PHLDB2: variants seen among roughly 807,000 people sequenced by gnomAD.
The protein encoded by PHLDB2 is pleckstrin homology-like domain family B member 2.
Under a neutral mutation model 123.6 loss-of-function variants are expected in PHLDB2, and 71 were observed. That is an observed-to-expected ratio of 0.57 (90% confidence interval 0.47 to 0.70). PHLDB2 has a LOEUF of 0.70. PHLDB2 is among the 30% of genes least tolerant of loss of function. The probability of loss-of-function intolerance (pLI) is 0.00; values close to 1 mark genes in which losing one functional copy is unlikely to be tolerated. For missense variants in PHLDB2, 1,446 were observed against 1,519.5 expected, an observed-to-expected ratio of 0.95 and a Z score of 0.80; for synonymous variants, 547 against 541.6, an observed-to-expected ratio of 1.01 and a Z score of -0.14.
At chr3:111,957,342 C>T (rs748092953) in intron 12 of PHLDB2, 1 of 152,640 alleles carries the variant, frequency 6.6e-6, no homozygotes, top group Non-Finnish European at 1.5e-5. Context: ...AGATTTAACA[C>T]TGTGCAGTGG....
chr3:111,942,226 T>C (rs698359), intron 8 of PHLDB2, among the ~76,000 whole-genome samples: 151,054 of 152,334 alleles, frequency 0.99, 74,907 homozygotes, highest in Middle Eastern at 1. Context: ...TTGTAAAAAT[T>C]GTGGTCTATA....
chr3:111,935,004 CA>C (rs1334021875), intron 6 of PHLDB2, among the ~76,000 whole-genome samples: 4 of 150,882 alleles, frequency 2.7e-5, no homozygotes, highest in Non-Finnish European at 4.4e-5. Context: ...AGTAAATAAT[CA>C]AAAGCACAAG....
At chr3:111,764,246 T>C (rs1039403157) in intron 1 of PHLDB2, among the ~76,000 whole-genome samples, 4 of 152,206 alleles carry the variant, frequency 2.6e-5, no homozygotes, top group Admixed American at 6.5e-5. Flanking sequence ...CCAGGAATGG[T>C]AGTTATTGTG....
chr3:111,836,485 T>C (rs1413801171), intron 1 of PHLDB2, among the ~76,000 whole-genome samples: 1 of 152,140 alleles, frequency 6.6e-6, no homozygotes, highest in Non-Finnish European at 1.5e-5. Flanking sequence ...CAGTTAGGGA[T>C]GTAGATCTGT....
upstream of PHLDB2, chr3:111,859,099 G>C (rs189260723): frequency 1.0e-2 from 9,040 of 905,982 alleles, 36 homozygotes; most frequent in South Asian, 0.013. Flanking sequence ...CCTGCTTTCT[G>C]ACGCAGCTGG....
At chr3:111,876,587 A>T (rs1276139530) in intron 1 of PHLDB2, among the ~76,000 whole-genome samples, 1 of 152,138 alleles carries the variant, frequency 6.6e-6, no homozygotes, top group Non-Finnish European at 1.5e-5. Flanking sequence ...TTTTTAAGTT[A>T]TACTTTAAGT....
At chr3:111,756,507 C>T (rs1195106928) in intron 1 of PHLDB2, among the ~76,000 whole-genome samples, 7 of 152,134 alleles carry the variant, frequency 4.6e-5, no homozygotes, top group Non-Finnish European at 8.8e-5. Flanking sequence ...CTTGGTAGAT[C>T]TTCCTCCATC....
upstream of PHLDB2, chr3:111,859,154 T>G (rs956378650): frequency 2.0e-6 from 2 of 983,930 alleles, no homozygotes; most frequent in Admixed American, 6.1e-5. Flanking sequence ...TGCGGTCACC[T>G]GGAGTTTCCC....
intron 1 of PHLDB2, among the ~76,000 whole-genome samples, chr3:111,786,353 G>A (rs1290988186): frequency 6.6e-6 from 1 of 152,160 alleles, no homozygotes; most frequent in Non-Finnish European, 1.5e-5. Flanking sequence ...ATCCATTGAT[G>A]CAGAACCCAC....
intron 6 of PHLDB2, among the ~76,000 whole-genome samples, chr3:111,934,323 GT>G (rs1343956205): frequency 6.6e-6 from 1 of 152,062 alleles, no homozygotes. Flanking sequence ...AAGTCCTAAA[GT>G]TCACTTTAGG....
intron 16 of PHLDB2, among the ~76,000 whole-genome samples, chr3:111,973,242 G>A (rs375407185): frequency 2.6e-5 from 4 of 151,574 alleles, no homozygotes; most frequent in African/African-American, 2.4e-5. Context: ...GAAAACGGGG[G>A]AAAAATCACG....
chr3:111,960,480 CA>C (rs1307741545), intron 12 of PHLDB2, among the ~76,000 whole-genome samples: 1 of 152,176 alleles, frequency 6.6e-6, no homozygotes, highest in Admixed American at 6.5e-5. Flanking sequence ...AAAACCACTC[CA>C]AATACTAATG....
intron 1 of PHLDB2, among the ~76,000 whole-genome samples, chr3:111,829,927 AACACACACACACAC>A (rs72357648): frequency 0.024 from 3,255 of 135,980 alleles, 45 homozygotes; most frequent in Middle Eastern, 0.038. Context: ...AACTATTCAA[AACACACACACACAC>A]ACACACACAC....
At position 111,859,421 on chromosome 3, in the gene PHLDB2, G is replaced by T. The variant is rs1406594058; in HGVS notation, c.-170G>T. ...CTCGAACTCCCTGGGTGCCCGCCGC[G>T]GTGGTTACAAAGGGGGTCAAGAGTG... On this transcript the variant is annotated 5_prime_UTR_variant, in exon 1 of 18. Coordinates refer to ENST00000431670, the MANE Select transcript of PHLDB2 (RefSeq NM_001134438.2). The T allele has an allele frequency of 1.0e-6, 1 of 985,512 alleles. No individual in the cohort carries two copies. Among genetic ancestry groups the T allele is most frequent in the East Asian group, 1.1e-4 (1 of 8,826 alleles). 61.0% of individuals were successfully genotyped at this position (985,512 alleles called of 1,614,324 possible).
intron 15 of PHLDB2, 136 bp downstream of exon 15, chr3:111,967,960 G>T: frequency 5.0e-6 from 1 of 199,264 alleles, no homozygotes; most frequent in East Asian, 8.0e-5. Flanking sequence ...TAAGAGAAGA[G>T]TGTGCATTCC....
At chr3:111,823,267 G>A (rs1349012649) in intron 1 of PHLDB2, among the ~76,000 whole-genome samples, 1 of 152,190 alleles carries the variant, frequency 6.6e-6, no homozygotes. Context: ...ATGTGGAATA[G>A]GTGTTCAATA....
At chr3:111,789,098 C>T (rs2108173355) in intron 1 of PHLDB2, among the ~76,000 whole-genome samples, 1 of 152,294 alleles carries the variant, frequency 6.6e-6, no homozygotes, top group East Asian at 1.9e-4. Context: ...TTACTTTTCC[C>T]AATCGTCACT....
At chr3:111,804,616 A>G in intron 1 of PHLDB2, among the ~76,000 whole-genome samples, 1 of 152,204 alleles carries the variant, frequency 6.6e-6, no homozygotes. Flanking sequence ...ACATCACTTG[A>G]CTAATAGGTT....
chr3:111,939,094 C>T (rs904629820), intron 6 of PHLDB2, among the ~76,000 whole-genome samples: 3 of 152,176 alleles, frequency 2.0e-5, no homozygotes, highest in Non-Finnish European at 4.4e-5. Context: ...ATGCATGAGC[C>T]ACCCACCACG....
Sources: gnomAD v4.1 joint callset for allele counts (sites outside exome capture counted in the v4.1 genomes callset) on GRCh38, gnomAD v4.1.1 for gene constraint, MANE v1.5 for transcripts, NCBI Gene and HGNC (gene_info 2026-07-23, HGNC 2026-07-21) for gene names.